The following VPS35L variants were observed in gnomAD, a reference collection of about 807,000 sequenced individuals.
VPS35L encodes the protein VPS35 endosomal protein sorting factor like.
Under a neutral mutation model 133.0 loss-of-function variants are expected in VPS35L, and 83 were observed. The observed-to-expected ratio is 0.62, with a 90% CI of 0.52 to 0.75. The LOEUF (loss-of-function observed/expected upper bound fraction) is 0.75, where lower values mean the gene tolerates loss of function less well. VPS35L is among the 30% of genes least tolerant of loss of function. The pLI is 0.00. For missense variants in VPS35L, 1,083 were observed against 1,206.8 expected, an observed-to-expected ratio of 0.90 and a Z score of 1.52; for synonymous variants, 423 against 449.9, an observed-to-expected ratio of 0.94 and a Z score of 0.76.
In VPS35L at chr16:19,647,859, C is replaced by G. The variant is rs769889652; in HGVS notation, c.2005C>G (p.Pro669Ala). ...ESRSMFCNLEPVLVQLIHSVN... is the reference protein window; with the variant it reads ...ESRSMFCNLEAVLVQLIHSVN... ...CAGGTCGATGTTTTGCAATCTGGAG[C>G]CTGTTCTTGTGCAGTTGATTCATGT... The change falls in exon 24 of 31, where the codon CCT (proline) becomes GCT (alanine). Residue 669 changes from proline to alanine, a missense_variant. By Grantham distance (27) the Pro-to-Ala change is conservative (BLOSUM62 -1). Transcript: ENST00000417362. 5 of 1,613,672 alleles carry G rather than the reference C, an allele frequency of 3.1e-6. No homozygotes were observed. The highest frequency in any genetic ancestry group is 4.2e-6 in the Non-Finnish European group (5 of 1,179,806).
chr16:19,642,509 G>GATTGGGT (rs1221212609), intron 22 of VPS35L, 33 bp downstream of exon 22: 1 of 1,583,994 alleles, frequency 6.3e-7, no homozygotes, highest in African/African-American at 1.3e-5. Context: ...ATATAACATG[G>GATTGGGT]ATTGGGTCTT....
intron 12 of VPS35L, among the ~76,000 whole-genome samples, chr16:19,615,518 C>G (rs533862588): frequency 1.3e-5 from 2 of 152,176 alleles, no homozygotes; most frequent in South Asian, 4.1e-4. Context: ...AGTGTCGTGA[C>G]ACATGCCTGT....
chr16:19,568,818 A>G (rs1200663861), intron 2 of VPS35L, among the ~76,000 whole-genome samples: 10 of 151,970 alleles, frequency 6.6e-5, no homozygotes, highest in Admixed American at 6.6e-4. Flanking sequence ...GATTATTTTC[A>G]TATCTTTTGT....
intron 27 of VPS35L, among the ~76,000 whole-genome samples, chr16:19,680,374 C>T (rs986215935): frequency 3.3e-5 from 5 of 152,158 alleles, no homozygotes; most frequent in African/African-American, 1.2e-4. Context: ...AGAGACAGGG[C>T]GGGATTGAAT....
intron 7 of VPS35L, chr16:19,587,502 GCCTGAAATC>G (rs756619982): frequency 4.4e-5 from 12 of 273,444 alleles, no homozygotes; most frequent in Non-Finnish European, 7.3e-5. Flanking sequence ...GGTGGTGCAT[GCCTGAAATC>G]CCAGCTACTT....
At chr16:19,556,098 A>C (rs1443375661) in intron 1 of VPS35L, among the ~76,000 whole-genome samples, 1 of 152,084 alleles carries the variant, frequency 6.6e-6, no homozygotes, top group East Asian at 1.9e-4. Flanking sequence ...CTCAGCTTTT[A>C]AAGTCTGGAC....
At chr16:19,609,939 C>T (rs190591735) in intron 11 of VPS35L, among the ~76,000 whole-genome samples, 2 of 152,014 alleles carry the variant, frequency 1.3e-5, no homozygotes, top group Admixed American at 6.6e-5. Flanking sequence ...GAACAGGGTA[C>T]GGGACAGTAA....
intron 29 of VPS35L, among the ~76,000 whole-genome samples, chr16:19,693,484 A>G (rs1344212652): frequency 1.3e-5 from 2 of 151,872 alleles, no homozygotes; most frequent in Non-Finnish European, 2.9e-5. Context: ...CTATTAAAAA[A>G]AAAATTAAAA....
Position 19,699,576 on chromosome 16 carries a change from CAAG to C in VPS35L, c.2722_2724del (p.Lys908del). 16 of 1,614,212 alleles carry C rather than the reference CAAG, an allele frequency of 9.9e-6. No homozygotes were observed. Among genetic ancestry groups the C allele is most frequent in the Non-Finnish European group, 1.4e-5 (16 of 1,180,050 alleles). ...TGGCCCATGGGGACCTACGCAACAA[CAAG>C]CTCAACCAGCTCTCCGTCAACCTGT... On this transcript the variant is annotated inframe_deletion, in exon 30 of 31. Coordinates refer to ENST00000417362, the MANE Select transcript of VPS35L (RefSeq NM_020314.7). This position sits in a 1 kb window ranked among gnomAD's most constrained non-coding sequence, Gnocchi z 4.2.
At chr16:19,663,446 T>G (rs1974553685) in intron 26 of VPS35L, among the ~76,000 whole-genome samples, 1 of 152,144 alleles carries the variant, frequency 6.6e-6, no homozygotes, top group Admixed American at 6.6e-5. Context: ...CTACATAAGT[T>G]TATATACTTT....
intron 19 of VPS35L, among the ~76,000 whole-genome samples, chr16:19,636,570 G>A (rs1166026635): frequency 6.6e-6 from 1 of 152,130 alleles, no homozygotes; most frequent in Admixed American, 6.5e-5. Flanking sequence ...ATGAAGTTTT[G>A]AAGTCCTTTA....
chr16:19,599,249 C>G (rs574912392), intron 8 of VPS35L, among the ~76,000 whole-genome samples: 3 of 152,338 alleles, frequency 2.0e-5, no homozygotes, highest in Admixed American at 1.3e-4. Context: ...AAAGTCCCAG[C>G]TGCATCCAGA....
chr16:19,630,994 G>A (rs1973439787), intron 18 of VPS35L, among the ~76,000 whole-genome samples: 1 of 151,902 alleles, frequency 6.6e-6, no homozygotes, highest in South Asian at 2.1e-4. Context: ...GAGCGACAGA[G>A]TGAGACTCTG....
At chr16:19,611,718 C>T (rs1399490998) in intron 12 of VPS35L, 3 of 151,996 alleles carry the variant, frequency 2.0e-5, no homozygotes, top group African/African-American at 4.8e-5. Flanking sequence ...ATCCTCTTCC[C>T]TCTTTGCAGC....
chr16:19,674,184 C>CTTTCTTTTTTTTTTTTTTTT (rs764022611), intron 27 of VPS35L, among the ~76,000 whole-genome samples: 4 of 70,902 alleles, frequency 5.6e-5, no homozygotes, highest in African/African-American at 1.9e-4. Flanking sequence ...TTTTCTTTTT[C>CTTTCTTTTTTTTTTTTTTTT]TTTTTTTTTT....
At chr16:19,645,290 CTTT>C (rs11337040) in intron 23 of VPS35L, among the ~76,000 whole-genome samples, 7 of 128,462 alleles carry the variant, frequency 5.4e-5, no homozygotes, top group Non-Finnish European at 6.5e-5. Flanking sequence ...TGTCTTTTTT[CTTT>C]TTTTTTTTTT....
chr16:19,621,566 T>C (rs764677174), intron 14 of VPS35L, among the ~76,000 whole-genome samples: 3 of 152,234 alleles, frequency 2.0e-5, no homozygotes, highest in Non-Finnish European at 4.4e-5. Flanking sequence ...GAAAGAAATA[T>C]GCTGAGCTGC....
At chr16:19,688,660 TG>T (rs1209271032) in intron 28 of VPS35L, among the ~76,000 whole-genome samples, 2 of 152,176 alleles carry the variant, frequency 1.3e-5, no homozygotes, top group African/African-American at 4.8e-5. Context: ...CCCTTTAGCC[TG>T]GGGGTTCAGA....
chr16:19,562,174 A>G (rs1462036583), intron 1 of VPS35L, among the ~76,000 whole-genome samples: 2 of 152,122 alleles, frequency 1.3e-5, no homozygotes, highest in Admixed American at 6.6e-5. Context: ...GGGGGCTACT[A>G]TAGTGGGGTT....
Sources: gnomAD v4.1 joint callset for allele counts (sites outside exome capture counted in the v4.1 genomes callset) on GRCh38, gnomAD v4.1.1 for gene constraint, Gnocchi (gnomAD v3.1) non-coding constraint, MANE v1.5 for transcripts, NCBI Gene and HGNC (gene_info 2026-07-23, HGNC 2026-07-21) for gene names.